GNL3L: variants seen among roughly 807,000 people sequenced by gnomAD.
GNL3L encodes G protein nucleolar 3 like, also known as guanine nucleotide-binding protein-like 3-like protein.
Under a neutral mutation model 42.9 loss-of-function variants are expected in GNL3L, and 4 were observed. The observed-to-expected ratio is 0.09, with a 90% CI of 0.05 to 0.21. GNL3L has a LOEUF of 0.21. Ranked by LOEUF, GNL3L falls within the 10% of genes least tolerant of loss-of-function variation. The pLI is 1.00. For missense variants in GNL3L, 412 were observed against 481.7 expected, an observed-to-expected ratio of 0.86 and a Z score of 1.36; for synonymous variants, 159 against 176.3, an observed-to-expected ratio of 0.90 and a Z score of 0.78.
At chrX:54,623,479 G>A (rs771327536), downstream of GNL3L, among the ~76,000 whole-genome samples, 8 of 111,811 alleles carry the variant, frequency 7.2e-5, no homozygotes, top group African/African-American at 2.6e-4. Context: ...TGGTCAGGCT[G>A]GTCTTGAATT....
chrX:54,645,067 C>T, the GNL3L span, among the ~76,000 whole-genome samples: 5 of 111,493 alleles, frequency 4.5e-5, no homozygotes, highest in South Asian at 1.9e-3. Context: ...AAGCAATTAC[C>T]AGTACGTCAC....
chrX:54,640,255 GA>G, the GNL3L span, among the ~76,000 whole-genome samples: 51 of 111,175 alleles, frequency 4.6e-4, no homozygotes, highest in African/African-American at 1.5e-3. Flanking sequence ...GGAAAAGACT[GA>G]AAAAACGAAA....
rs920391388 is a variant in GNL3L at position 54,596,508 on chromosome X, C to G, written c.*46-24337C>G. 2.7e-5 allele frequency among the ~76,000 whole-genome samples: 3 copies of G among 111,879 alleles called. No individual in the cohort carries two copies. In the East Asian group the frequency reaches 8.5e-4, roughly 32 times the overall value. ...ACCAGTAGGACTGTGCTGTGTCAGA[C>G]TTGAGAGTCCTGGGTCTCGCCCGAG... On this transcript the variant is annotated intron_variant, in intron 16 of 16. Transcript: ENST00000674498.
chrX:54,552,479 C>T (rs756841424), intron 13 of GNL3L, 51 bp downstream of exon 13: 2 of 1,115,160 alleles, frequency 1.8e-6, no homozygotes, highest in Admixed American at 2.3e-5. Context: ...TGGGGCCACA[C>T]AGACCTGACA....
exon 17 of GNL3L, among the ~76,000 whole-genome samples, chrX:54,621,403 C>T (rs1046000109): frequency 9.0e-6 from 1 of 111,604 alleles, no homozygotes; most frequent in Non-Finnish European, 1.9e-5. Flanking sequence ...TTTGAGTGAG[C>T]CTTCTTGGAC....
intron 16 of GNL3L, among the ~76,000 whole-genome samples, chrX:54,604,647 AAAAACAAAACCAAAAACAAACAAAAAC>A (rs1353218009): frequency 1.8e-5 from 2 of 111,954 alleles, no homozygotes; most frequent in African/African-American, 3.2e-5. Context: ...CTCCAACATT[AAAAACAAAACCAAAAACAAACAAAAAC>A]AAAACAAAAC....
the GNL3L span, among the ~76,000 whole-genome samples, chrX:54,631,961 C>T: frequency 9.0e-6 from 1 of 111,691 alleles, no homozygotes; most frequent in East Asian, 2.8e-4. Flanking sequence ...GCAGTGCTTG[C>T]TTAGTAGTGG....
In GNL3L at chrX:54,560,500, C is replaced by T. The variant is rs1435941062; in HGVS notation, c.1667-20C>T. The T allele has an allele frequency of 9.7e-7, 1 of 1,032,572 alleles. No individual in the cohort carries two copies. The highest frequency in any genetic ancestry group is 2.2e-5 in the Admixed American group (1 of 45,645). The allele number at this position is 1,032,572 out of a possible 1,213,427, so 85.1% of individuals were successfully genotyped here. A position where few individuals can be genotyped will look rare whatever the true frequency, so the allele number is the denominator to read the frequency against. On this transcript the variant is annotated intron_variant, in intron 15 of 15. Transcript: ENST00000360845. ...GGCAAGCCAGCCACCAAAAGATTGC[C>T]TGTATTTCTCCATTTGCAGATAAAA...
chrX:54,542,039 C>T (rs1352475101), intron 5 of GNL3L, among the ~76,000 whole-genome samples: 2 of 111,807 alleles, frequency 1.8e-5, no homozygotes, highest in Admixed American at 9.5e-5. Context: ...CTTCCAGTTC[C>T]CAGCTTTATT....
chrX:54,630,708 T>TCCTTCCTTCCTTCC, the GNL3L span, among the ~76,000 whole-genome samples: 3 of 58,651 alleles, frequency 5.1e-5, no homozygotes, highest in Admixed American at 2.1e-4. Flanking sequence ...CTTTCTTTCT[T>TCCTTCCTTCCTTCC]TTTCTTTCTT....
At chrX:54,532,271 T>TG in intron 1 of GNL3L, among the ~76,000 whole-genome samples, 1 of 109,505 alleles carries the variant, frequency 9.1e-6, no homozygotes, top group African/African-American at 3.3e-5. Flanking sequence ...CAAAGCCCAG[T>TG]GGCTTTGAGC....
intron 16 of GNL3L, among the ~76,000 whole-genome samples, chrX:54,615,602 T>G (rs1310061820): frequency 8.9e-6 from 1 of 112,120 alleles, no homozygotes; most frequent in African/African-American, 3.2e-5. Flanking sequence ...GTCTTCCCCT[T>G]TATCTCTACT....
At chrX:54,637,423 T>A in the GNL3L span, among the ~76,000 whole-genome samples, 1 of 111,749 alleles carries the variant, frequency 8.9e-6, no homozygotes, top group Non-Finnish European at 1.9e-5. Context: ...ACATATATAT[T>A]TTGCAGTTTG....
chrX:54,548,508 G>GT (rs1310351289), intron 9 of GNL3L, 135 bp downstream of exon 9: 1 of 514,014 alleles, frequency 1.9e-6, no homozygotes, highest in Admixed American at 3.8e-5. Context: ...TTCGTGATTT[G>GT]TAACTTGGAT....
rs940196762 is a variant in GNL3L, at chrX:54,546,288, A to G, written c.631-1941A>G. ...TTTTTTTTCTCTTGGACATCTTTCT[A>G]TAGAGATGTGCCTTTTCGAGGCTGA... On this transcript the variant is annotated intron_variant, in intron 8 of 15. Coordinates refer to ENST00000360845, the MANE Select transcript of GNL3L (RefSeq NM_001184819.2). Among the ~76,000 whole-genome samples, 18 of 111,545 alleles carry G rather than the reference A, an allele frequency of 1.6e-4. 1 individual carries two copies. The highest frequency in any genetic ancestry group is 4.6e-4 in the African/African-American group (14 of 30,638).
chrX:54,583,201 A>AT (rs1482142537), intron 16 of GNL3L, among the ~76,000 whole-genome samples: 1 of 109,805 alleles, frequency 9.1e-6, no homozygotes, highest in East Asian at 2.8e-4. Context: ...TTATTTATTT[A>AT]TTTTTTTTGA....
chrX:54,598,823 C>T (rs1323835077), intron 16 of GNL3L, among the ~76,000 whole-genome samples: 1 of 110,885 alleles, frequency 9.0e-6, no homozygotes, highest in Admixed American at 9.6e-5. Flanking sequence ...TAATATAAAT[C>T]GCAAGATATA....
At chrX:54,593,413 G>T (rs1925893311) in intron 16 of GNL3L, among the ~76,000 whole-genome samples, 2 of 111,175 alleles carry the variant, frequency 1.8e-5, no homozygotes, top group Non-Finnish European at 3.8e-5. Context: ...TTCACATATA[G>T]TTGTACACAG....
At chrX:54,619,856 C>G (rs1378764520) in intron 16 of GNL3L, among the ~76,000 whole-genome samples, 9 of 111,864 alleles carry the variant, frequency 8.0e-5, no homozygotes, top group South Asian at 3.7e-4. Flanking sequence ...GTGAACCAGG[C>G]ACTGGTACAA....
Sources: allele counts gnomAD v4.1 joint callset (sites outside exome capture counted in the v4.1 genomes callset), GRCh38; gene constraint gnomAD v4.1.1; transcripts MANE v1.5; gene names NCBI Gene and HGNC (gene_info 2026-07-23, HGNC 2026-07-21).